Variants in SH3GL2 observed in about 807,000 individuals in gnomAD.
The protein encoded by SH3GL2 is endophilin-A1.
Under a neutral mutation model 46.0 loss-of-function variants are expected in SH3GL2, and 24 were observed. That is an observed-to-expected ratio of 0.52 (90% CI 0.38 to 0.73). SH3GL2 has a LOEUF of 0.73. Ranked by LOEUF, SH3GL2 falls within the 30% of genes least tolerant of loss-of-function variation. SH3GL2 has a pLI of 0.00. For synonymous variants in SH3GL2, 196 were observed against 147.1 expected, an observed-to-expected ratio of 1.33 and a Z score of -2.40; for missense variants, 413 against 424.2, an observed-to-expected ratio of 0.97 and a Z score of 0.23.
intron 1 of SH3GL2, among the ~76,000 whole-genome samples, chr9:17,621,557 A>G (rs560322303): frequency 3.3e-5 from 5 of 152,346 alleles, no homozygotes; most frequent in Admixed American, 2.6e-4. Context: ...TTTTACAGAT[A>G]TAATCAGATA....
chr9:17,723,973 G>A (rs954902284), intron 1 of SH3GL2, among the ~76,000 whole-genome samples: 5 of 152,058 alleles, frequency 3.3e-5, no homozygotes, highest in African/African-American at 1.2e-4. Flanking sequence ...TTCTCTTTGA[G>A]TTTTTTGTAC....
At chr9:17,776,078 T>G (rs886722335) in intron 3 of SH3GL2, among the ~76,000 whole-genome samples, 1 of 151,946 alleles carries the variant, frequency 6.6e-6, no homozygotes, top group Non-Finnish European at 1.5e-5. Flanking sequence ...GGGAGAAAAA[T>G]AGGGTGCGGA....
intron 1 of SH3GL2, among the ~76,000 whole-genome samples, chr9:17,741,380 T>A (rs1822524838): frequency 6.6e-6 from 1 of 152,146 alleles, no homozygotes; most frequent in South Asian, 2.1e-4. Flanking sequence ...AAGAAAATAA[T>A]TAGGTCATTA....
At chr9:17,668,278 TTTGAG>T in intron 1 of SH3GL2, among the ~76,000 whole-genome samples, 1 of 152,372 alleles carries the variant, frequency 6.6e-6, no homozygotes, top group Non-Finnish European at 1.5e-5. Flanking sequence ...TTAAATTTAC[TTTGAG>T]TTAATTTTGT....
chr9:17,655,812 C>G (rs1175456989), intron 1 of SH3GL2, among the ~76,000 whole-genome samples: 2 of 152,180 alleles, frequency 1.3e-5, no homozygotes, highest in Non-Finnish European at 1.5e-5. Flanking sequence ...GAGGGTTACC[C>G]TACTCATCCC....
chr9:17,707,024 G>C (rs1296090093), intron 1 of SH3GL2, among the ~76,000 whole-genome samples: 1 of 151,980 alleles, frequency 6.6e-6, no homozygotes, highest in Non-Finnish European at 1.5e-5. Flanking sequence ...CCCTTACACT[G>C]CTAACCAGTG....
intron 1 of SH3GL2, among the ~76,000 whole-genome samples, chr9:17,672,722 C>T (rs577246163): frequency 3.3e-5 from 5 of 151,990 alleles, no homozygotes; most frequent in African/African-American, 9.7e-5. Flanking sequence ...TTCATCAGAC[C>T]GTGTAAATAA....
At chr9:17,609,740 C>G (rs1009616254) in intron 1 of SH3GL2, among the ~76,000 whole-genome samples, 1 of 152,186 alleles carries the variant, frequency 6.6e-6, no homozygotes, top group Non-Finnish European at 1.5e-5. Context: ...AAGAAAGTTG[C>G]AGATCATACT....
chr9:17,776,668 CT>C lies in SH3GL2; in HGVS notation c.188-9700del, dbSNP rs10660060. On this transcript the variant is annotated intron_variant, in intron 3 of 8. Transcript: ENST00000380607. ...ACTTTGCATTTTCAAAATGTCCCAT[CT>C]TTTTTTTTTTTTAAGCCAAGAAGTA... is the stretch of plus-strand genomic sequence containing the variant. Among the ~76,000 whole-genome samples the C allele has an allele frequency of 6.6e-4, 97 of 147,520 alleles. No homozygotes were observed. In the South Asian group the frequency reaches 8.8e-3, roughly 13 times the overall value.
intron 2 of SH3GL2, among the ~76,000 whole-genome samples, chr9:17,759,898 A>G (rs947808528): frequency 1.3e-5 from 2 of 152,196 alleles, no homozygotes; most frequent in African/African-American, 4.8e-5. Flanking sequence ...GGAGATCTAC[A>G]TTTGTACTTC....
chr9:17,671,647 A>C (rs898906799), intron 1 of SH3GL2, among the ~76,000 whole-genome samples: 2 of 152,174 alleles, frequency 1.3e-5, no homozygotes, highest in African/African-American at 4.8e-5. Context: ...AAAAATTATA[A>C]AAGCAAAAAA....
intron 1 of SH3GL2, among the ~76,000 whole-genome samples, chr9:17,592,812 G>A (rs1818508334): frequency 6.6e-6 from 1 of 152,154 alleles, no homozygotes; most frequent in African/African-American, 2.4e-5. Flanking sequence ...CCAGTGGCTG[G>A]GGACTCCTAT....
In SH3GL2 at chr9:17,785,884, C is replaced by T. The variant is rs1232755203; in HGVS notation, c.188-497C>T. On this transcript the variant is annotated intron_variant, in intron 3 of 8. Coordinates refer to ENST00000380607, the MANE Select transcript of SH3GL2 (RefSeq NM_003026.5). ...AATGATTTTGAAAATAGTTCTGTTT[C>T]ATACATGGTATAAGTGAAACAAGGC... Among the ~76,000 whole-genome samples the T allele has an allele frequency of 3.9e-5, 6 of 152,144 alleles. No homozygotes were observed. In the East Asian group the frequency reaches 1.2e-3, roughly 29 times the overall value.
intron 1 of SH3GL2, among the ~76,000 whole-genome samples, chr9:17,674,921 G>C (rs4601434): frequency 0.4 from 60,311 of 151,888 alleles, 12,813 homozygotes; most frequent in Admixed American, 0.55. Flanking sequence ...CAGTGCAAGT[G>C]ACCAGACCAG....
At chr9:17,755,749 T>C (rs1816742505) in intron 2 of SH3GL2, 3 of 983,596 alleles carry the variant, frequency 3.1e-6, no homozygotes, top group African/African-American at 1.7e-5. Flanking sequence ...TTCAGTCCTT[T>C]TGTTGCTCCA....
In SH3GL2 at chr9:17,579,314, G is replaced by A. The variant is rs374218788; in HGVS notation, c.45+27G>A. Reference sequence around the variant, plus strand: ...TAAGGCGCGCGGCAGGTGCGTCCCGGGGCAGTCCGGGGCGAAGCTGCGAGG... The same window carrying A: ...TAAGGCGCGCGGCAGGTGCGTCCCGAGGCAGTCCGGGGCGAAGCTGCGAGG... On this transcript the variant is annotated intron_variant, in intron 1 of 8. Coordinates refer to ENST00000380607, the MANE Select transcript of SH3GL2 (RefSeq NM_003026.5). 2.3e-4 allele frequency: 352 copies of A among 1,509,444 alleles called. 1 individual carries two copies. The African/African-American group carries it at 4.5e-3, about 19-fold the overall frequency. 93.5% of individuals were successfully genotyped at this position (1,509,444 alleles called of 1,614,324 possible).
In SH3GL2 at chr9:17,658,271, T is replaced by A. The variant is rs538516274; in HGVS notation, c.45+78984T>A. Among the ~76,000 whole-genome samples, 376 of 152,312 alleles carry A rather than the reference T, an allele frequency of 2.5e-3. 3 individuals carry two copies. The highest frequency in any genetic ancestry group is 8.0e-3 in the African/African-American group (331 of 41,560). ...TCAGATGGGTACCTACTATTTCAGATCTGTTTTGTTTAGAGAACTACAGCA... is the reference window on the plus strand; with the variant it reads ...TCAGATGGGTACCTACTATTTCAGAACTGTTTTGTTTAGAGAACTACAGCA... On this transcript the variant is annotated intron_variant, in intron 1 of 8. Transcript: ENST00000380607.
At chr9:17,586,802 G>A (rs1275806181) in intron 1 of SH3GL2, among the ~76,000 whole-genome samples, 4 of 152,172 alleles carry the variant, frequency 2.6e-5, no homozygotes, top group African/African-American at 9.7e-5. Flanking sequence ...ATGACACATG[G>A]GGATTGTGGG....
rs1588152531 is a variant in SH3GL2, at chr9:17,579,076, T to A, written c.-167T>A. 1 of 471,716 alleles carries A rather than the reference T, an allele frequency of 2.1e-6. No homozygotes were observed. Among genetic ancestry groups the A allele is most frequent in the Non-Finnish European group, 3.7e-6 (1 of 272,316 alleles). The allele number at this position is 471,716 out of a possible 1,614,324, so 29.2% of individuals were successfully genotyped here. On this transcript the variant is annotated 5_prime_UTR_variant, in exon 1 of 9. Coordinates refer to ENST00000380607, the MANE Select transcript of SH3GL2 (RefSeq NM_003026.5). Reference sequence around the variant, plus strand: ...TCACCCGCCCTTGACGTCAGAGTGTTTCTCCGCAAGAGCCCGTGTCCCGCT... The same window carrying A: ...TCACCCGCCCTTGACGTCAGAGTGTATCTCCGCAAGAGCCCGTGTCCCGCT...
Sources: allele counts gnomAD v4.1 joint callset (sites outside exome capture counted in the v4.1 genomes callset), GRCh38; gene constraint gnomAD v4.1.1; transcripts MANE v1.5; gene names NCBI Gene and HGNC (gene_info 2026-07-23, HGNC 2026-07-21).